The following TMPRSS9 variants were observed in gnomAD, a reference collection of about 807,000 sequenced individuals.
TMPRSS9 encodes transmembrane serine protease 9.
In TMPRSS9, 113 loss-of-function variants were observed where a neutral mutation model predicts 111.4. The ratio of observed to expected loss-of-function variants is 1.01; its 90% CI spans 0.87 to 1.19. The LOEUF (loss-of-function observed/expected upper bound fraction) is 1.19. TMPRSS9 is among the 50% of genes most tolerant of loss of function. TMPRSS9 has a pLI of 0.00. For missense variants in TMPRSS9, 1,803 were observed against 1,513.1 expected, an observed-to-expected ratio of 1.19 and a Z score of -3.18; for synonymous variants, 805 against 659.1, an observed-to-expected ratio of 1.22 and a Z score of -3.39.
At chr19:2,419,503 A>G (rs1233880625) in intron 13 of TMPRSS9, among the ~76,000 whole-genome samples, 1 of 139,668 alleles carries the variant, frequency 7.2e-6, no homozygotes, top group African/African-American at 2.8e-5. Context: ...TACCCAGCCT[A>G]GATTTCTTTT....
At chr19:2,403,933 C>G (rs1970909562) in intron 6 of TMPRSS9, among the ~76,000 whole-genome samples, 1 of 146,040 alleles carries the variant, frequency 6.8e-6, no homozygotes, top group African/African-American at 2.6e-5. Flanking sequence ...GTGGAGCTTG[C>G]AGTGAGCCAA....
At chr19:2,392,354 C>T (rs1283650845) in intron 1 of TMPRSS9, among the ~76,000 whole-genome samples, 2 of 151,986 alleles carry the variant, frequency 1.3e-5, no homozygotes, top group Non-Finnish European at 2.9e-5. Flanking sequence ...GATCACACCA[C>T]TGCACTCCAG....
At chr19:2,424,290 G>A in intron 15 of TMPRSS9, 33 bp downstream of exon 16, 1 of 1,328,576 alleles carries the variant, frequency 7.5e-7, no homozygotes, top group Non-Finnish European at 9.7e-7. Flanking sequence ...GCCCCTACAT[G>A]TCTCTGTAGC....
chr19:2,361,728 A>C (rs1039579307), intron 1 of TMPRSS9, among the ~76,000 whole-genome samples: 1 of 152,042 alleles, frequency 6.6e-6, no homozygotes, highest in African/African-American at 2.4e-5. Context: ...CCGTCATTTT[A>C]TAGGGGGTCA....
chr19:2,425,434 C>T lies in TMPRSS9; in HGVS notation c.3061C>T (p.Gln1021Ter). ...GACCTGCCGCCGCTTCTACCCAGTG[C>T]AGATCAGCAGCCGCATGCTGTGTGC... The change falls in exon 17 of 18, where the codon CAG (glutamine) becomes TAG (stop). Residue 1021 changes from glutamine to a stop codon, truncating the protein, a stop_gained. Coordinates refer to ENST00000648592, the Ensembl canonical transcript of TMPRSS9. LOFTEE classifies it high-confidence loss of function. The T allele has an allele frequency of 6.3e-7, 1 of 1,590,986 alleles. No individual in the cohort carries two copies.
chr19:2,402,962 A>G lies in TMPRSS9; in HGVS notation c.557-120A>G, dbSNP rs1205396456. Reference sequence around the variant, plus strand: ...AAAATAAAAACAAGGAAAAGGAAAGAAAAGGAGAGAGAGAGTTTCCACATT... The same window carrying G: ...AAAATAAAAACAAGGAAAAGGAAAGGAAAGGAGAGAGAGAGTTTCCACATT... On this transcript the variant is annotated intron_variant, in intron 5 of 17. Coordinates refer to ENST00000648592, the Ensembl canonical transcript of TMPRSS9. 5.4e-6 allele frequency: 4 copies of G among 734,230 alleles called. No individual in the cohort carries two copies. The African/African-American group carries it at 7.1e-5, about 13-fold the overall frequency. The allele number at this position is 734,230 out of a possible 1,614,324, so 45.5% of individuals were successfully genotyped here. A position where few individuals can be genotyped will look rare whatever the true frequency, so the allele number is the denominator to read the frequency against.
At chr19:2,380,036 G>A (rs1018013315) in intron 1 of TMPRSS9, among the ~76,000 whole-genome samples, 3 of 152,076 alleles carry the variant, frequency 2.0e-5, no homozygotes, top group African/African-American at 7.2e-5. Flanking sequence ...ACAGGCATGA[G>A]CCACTGCACC....
intron 10 of TMPRSS9, among the ~76,000 whole-genome samples, chr19:2,414,414 A>G (rs955609169): frequency 2.6e-5 from 4 of 151,804 alleles, no homozygotes; most frequent in East Asian, 2.0e-4. Context: ...TAATTTTTGT[A>G]TTTTTAGTAG....
intron 1 of TMPRSS9, among the ~76,000 whole-genome samples, chr19:2,391,598 A>ATG (rs1267137400): frequency 1.2e-4 from 13 of 105,224 alleles, no homozygotes; most frequent in African/African-American, 2.4e-4. Flanking sequence ...CTATGTGTGC[A>ATG]TGCGTGTGTG....
rs1970779705 is a variant in TMPRSS9, at chr19:2,399,312, G to A, written c.514+119G>A. On this transcript the variant is annotated intron_variant, in intron 4 of 17. Transcript: ENST00000648592. ...AAAAGAAAACAAACTGGCCGGGTGT[G>A]GTGGCTCATGCCTGCAACCCCAGCA... The A allele has an allele frequency of 1.1e-5, 14 of 1,332,142 alleles. No homozygotes were observed. In the South Asian group the frequency reaches 2.1e-4, roughly 20 times the overall value. 82.5% of individuals were successfully genotyped at this position (1,332,142 alleles called of 1,614,324 possible).
intron 13 of TMPRSS9, among the ~76,000 whole-genome samples, chr19:2,420,383 A>G (rs1200774777): frequency 6.7e-6 from 1 of 149,636 alleles, no homozygotes; most frequent in African/African-American, 2.5e-5. Flanking sequence ...CGGAGGTCAC[A>G]GTGAGCCGAG....
intron 13 of TMPRSS9, 134 bp downstream of exon 14, chr19:2,418,272 C>CCTTT: frequency 1.4e-6 from 1 of 694,226 alleles, no homozygotes; most frequent in African/African-American, 4.1e-5. Flanking sequence ...CCTTGTCCTT[C>CCTTT]CCTCCTTTTC....
At chr19:2,394,252 G>C (rs1017014036) in intron 1 of TMPRSS9, among the ~76,000 whole-genome samples, 1 of 77,010 alleles carries the variant, frequency 1.3e-5, no homozygotes, top group African/African-American at 4.4e-5. Context: ...GATAGTGGGC[G>C]CCTGTGGTCT....
At chr19:2,423,441 C>A (rs8108768) in intron 14 of TMPRSS9, among the ~76,000 whole-genome samples, 18,900 of 111,278 alleles carry the variant, frequency 0.17, 2,329 homozygotes, top group African/African-American at 0.39. Flanking sequence ...GTAGCTGCTG[C>A]GGGTTGGATG....
chr19:2,377,956 G>T (rs898294780), intron 1 of TMPRSS9, among the ~76,000 whole-genome samples: 1 of 151,030 alleles, frequency 6.6e-6, no homozygotes, highest in Non-Finnish European at 1.5e-5. Flanking sequence ...CTGCAGCTTC[G>T]ATCTCCTGGG....
chr19:2,363,576 C>T (rs375878289), intron 1 of TMPRSS9, among the ~76,000 whole-genome samples: 6 of 151,736 alleles, frequency 4.0e-5, no homozygotes, highest in South Asian at 4.2e-4. Flanking sequence ...TGCATCTGTG[C>T]GTGCAACTGT....
At position 2,418,313 on chromosome 19, in the gene TMPRSS9, C is replaced by T. The variant is rs1246981640; in HGVS notation, c.2154+175C>T. On this transcript the variant is annotated intron_variant, in intron 13 of 17. Coordinates refer to ENST00000648592, the Ensembl canonical transcript of TMPRSS9. ...CTCCTTTCCTTCCCTCCCTTTCCCTCCCTCCCTCCCTCCCTCCCTTTCCTT... is the reference window on the plus strand; with the variant it reads ...CTCCTTTCCTTCCCTCCCTTTCCCTTCCTCCCTCCCTCCCTCCCTTTCCTT... 1.2e-3 allele frequency among the ~76,000 whole-genome samples: 54 copies of T among 43,222 alleles called. 4 individuals carry two copies. Among genetic ancestry groups the T allele is most frequent in the South Asian group, 3.2e-3 (3 of 946 alleles). 28.4% of individuals were successfully genotyped at this position (43,222 alleles called of 152,430 possible).
chr19:2,374,248 C>CTTTTTTTT (rs1027376774), intron 1 of TMPRSS9, among the ~76,000 whole-genome samples: 10 of 70,436 alleles, frequency 1.4e-4, no homozygotes, highest in Admixed American at 4.3e-4. Flanking sequence ...TCTCAACAAT[C>CTTTTTTTT]TTTTTTTTTT....
upstream of TMPRSS9, among the ~76,000 whole-genome samples, chr19:2,386,720 A>G (rs978586914): frequency 2.0e-5 from 3 of 152,066 alleles, no homozygotes; most frequent in African/African-American, 7.2e-5. Context: ...CTGCCAGCAC[A>G]GTGGCTCACA....
Sources: gnomAD v4.1 joint callset for allele counts (sites outside exome capture counted in the v4.1 genomes callset) on GRCh38, gnomAD v4.1.1 for gene constraint, MANE v1.5 for transcripts, NCBI Gene and HGNC (gene_info 2026-07-23, HGNC 2026-07-21) for gene names.